MRPL13: variants seen among roughly 807,000 people sequenced by gnomAD.
MRPL13 encodes mitochondrial ribosomal protein L13, also known as large ribosomal subunit protein uL13m.
MRPL13 carries 33 observed loss-of-function variants against 29.0 expected under a neutral mutation model. That is an observed-to-expected ratio of 1.14 (90% CI 0.86 to 1.52). The LOEUF (loss-of-function observed/expected upper bound fraction) is 1.52, where lower values mean the gene tolerates loss of function less well. Among genes scored for constraint, MRPL13 ranks in the 40% most tolerant of loss-of-function variants. The probability of loss-of-function intolerance (pLI) is 0.00; values close to 1 mark genes in which losing one functional copy is unlikely to be tolerated. For missense variants in MRPL13, 227 were observed against 216.7 expected (o/e 1.05, Z -0.30); for synonymous variants, 77 against 68.4 (o/e 1.13, Z -0.62).
intron 5 of MRPL13, 121 bp from the exon 6 acceptor site, chr8:120,414,233 T>C (rs1401405531): frequency 5.1e-6 from 4 of 777,090 alleles, no homozygotes; most frequent in Non-Finnish European, 7.0e-6. Context: ...AAGGAAAACA[T>C]AAAATCTTTA....
At chr8:120,433,654 T>A (rs1013902733) in intron 2 of MRPL13, among the ~76,000 whole-genome samples, 2 of 152,068 alleles carry the variant, frequency 1.3e-5, no homozygotes, top group Non-Finnish European at 2.9e-5. Flanking sequence ...TCTTCCTCAA[T>A]AATATATGCC....
At chr8:120,415,725 A>G (rs1812795705) in intron 5 of MRPL13, 1 of 152,178 alleles carries the variant, frequency 6.6e-6, no homozygotes, top group South Asian at 2.1e-4. Flanking sequence ...TCACTTTCTC[A>G]GTATATTCAA....
intron 5 of MRPL13, chr8:120,419,635 C>A: frequency 3.3e-6 from 1 of 303,422 alleles, no homozygotes; most frequent in Non-Finnish European, 5.9e-6. Context: ...TAAAAACTTA[C>A]TTTTAATTTT....
intron 6 of MRPL13, among the ~76,000 whole-genome samples, chr8:120,403,035 T>A (rs949888016): frequency 1.3e-5 from 2 of 152,162 alleles, no homozygotes; most frequent in Non-Finnish European, 2.9e-5. Flanking sequence ...AAAGAACACT[T>A]TTACACTGTT....
intron 2 of MRPL13, among the ~76,000 whole-genome samples, chr8:120,440,322 G>C (rs980816076): frequency 1.3e-5 from 2 of 152,088 alleles, no homozygotes; most frequent in African/African-American, 4.8e-5. Context: ...GTGTGAAAAG[G>C]GCCTAAGGGC....
chr8:120,432,008 C>G, intron 3 of MRPL13, 22 bp downstream of exon 3: 1 of 1,500,268 alleles, frequency 6.7e-7, no homozygotes, highest in Non-Finnish European at 9.0e-7. Context: ...ACCTAATTTC[C>G]CTGACAACAG....
At chr8:120,398,422 TAAAAGA>T (rs1812547806) in intron 6 of MRPL13, among the ~76,000 whole-genome samples, 1 of 151,978 alleles carries the variant, frequency 6.6e-6, no homozygotes. Flanking sequence ...GTCTGACTGT[TAAAAGA>T]AAAACAACAA....
intron 2 of MRPL13, among the ~76,000 whole-genome samples, chr8:120,438,423 A>G (rs1350428656): frequency 6.6e-6 from 1 of 152,204 alleles, no homozygotes; most frequent in Admixed American, 6.5e-5. Context: ...GGCAGCCACA[A>G]CAGCTCTTCT....
intron 3 of MRPL13, 102 bp downstream of exon 3, chr8:120,431,928 C>A: frequency 1.2e-6 from 1 of 835,046 alleles, no homozygotes; most frequent in South Asian, 3.0e-5. Context: ...GTAATAAATG[C>A]TGATTTTTAA....
In MRPL13 at chr8:120,432,125, T is replaced by G; in HGVS notation, c.152-2A>C. On this transcript the variant is annotated splice_acceptor_variant, in intron 2 of 6. Coordinates refer to ENST00000306185, the MANE Select transcript of MRPL13 (RefSeq NM_014078.6). LOFTEE classifies it high-confidence loss of function. ...TAACAACATGATCCCCACAGTCACC[T>G]ACATTTTAAAAAGAAACAAGATTTT... 1 of 1,557,554 alleles carries G rather than the reference T, an allele frequency of 6.4e-7. No individual in the cohort carries two copies. Among genetic ancestry groups the G allele is most frequent in the African/African-American group, 1.4e-5 (1 of 71,958 alleles).
chr8:120,400,395 T>G (rs1442993510), intron 6 of MRPL13, among the ~76,000 whole-genome samples: 1 of 152,028 alleles, frequency 6.6e-6, no homozygotes, highest in Non-Finnish European at 1.5e-5. Flanking sequence ...ATAATGAAAT[T>G]AAGGCAGAAA....
At chr8:120,423,221 T>G (rs1358283369) in intron 4 of MRPL13, among the ~76,000 whole-genome samples, 1 of 151,426 alleles carries the variant, frequency 6.6e-6, no homozygotes, top group Non-Finnish European at 1.5e-5. Context: ...TCTGAAGAAA[T>G]TACTGAGAAT....
In MRPL13 at chr8:120,396,019, G is replaced by T; in HGVS notation, c.*85C>A. On this transcript the variant is annotated 3_prime_UTR_variant, in exon 7 of 7. Transcript: ENST00000306185. ...AAACAGGTGCTGAACTGTAGCAGTT[G>T]TTTTACTCCATCCTGTAGGTTAGAG... The T allele has an allele frequency of 8.4e-7, 1 of 1,189,684 alleles. No individual in the cohort carries two copies. Among genetic ancestry groups the T allele is most frequent in the Non-Finnish European group, 1.2e-6 (1 of 826,968 alleles). 73.7% of individuals were successfully genotyped at this position (1,189,684 alleles called of 1,614,324 possible).
intron 5 of MRPL13, chr8:120,416,084 C>G (rs1296191727): frequency 2.0e-5 from 3 of 152,134 alleles, no homozygotes; most frequent in Non-Finnish European, 4.4e-5. Context: ...AATGAGGAAT[C>G]AAAGTTTTTG....
intron 6 of MRPL13, among the ~76,000 whole-genome samples, chr8:120,403,499 G>C (rs1017826649): frequency 6.6e-6 from 1 of 152,068 alleles, no homozygotes; most frequent in Admixed American, 6.6e-5. Flanking sequence ...AGGAGGGGTT[G>C]GGGGAGGGAG....
chr8:120,412,299 C>G (rs962321168), intron 6 of MRPL13, among the ~76,000 whole-genome samples: 1 of 152,094 alleles, frequency 6.6e-6, no homozygotes, highest in Non-Finnish European at 1.5e-5. Context: ...TATTTTCAAA[C>G]TACATCAACT....
At chr8:120,435,352 A>G (rs1813041885) in intron 2 of MRPL13, among the ~76,000 whole-genome samples, 1 of 151,914 alleles carries the variant, frequency 6.6e-6, no homozygotes, top group South Asian at 2.1e-4. Context: ...TAGTTTTTTG[A>G]TCCTCACCCT....
intron 6 of MRPL13, among the ~76,000 whole-genome samples, chr8:120,409,409 G>T (rs1173366372): frequency 6.6e-6 from 1 of 152,128 alleles, no homozygotes; most frequent in Non-Finnish European, 1.5e-5. Flanking sequence ...CAATGAGCAT[G>T]ATTAATTTCC....
chr8:120,432,246 C>T, intron 2 of MRPL13, 123 bp from the exon 3 acceptor site: 1 of 576,460 alleles, frequency 1.7e-6, no homozygotes. Flanking sequence ...AAGCAAGTTA[C>T]AGTGCAACAT....
Sources: allele counts gnomAD v4.1 joint callset (sites outside exome capture counted in the v4.1 genomes callset), GRCh38; gene constraint gnomAD v4.1.1; transcripts MANE v1.5; gene names NCBI Gene and HGNC (gene_info 2026-07-23, HGNC 2026-07-21).